The following KCTD8 variants were observed in gnomAD, a reference collection of about 807,000 sequenced individuals.
KCTD8 encodes potassium channel tetramerization domain containing 8.
KCTD8 carries 27 observed loss-of-function variants against 31.5 expected under a neutral mutation model. The observed-to-expected ratio is 0.86, with a 90% CI of 0.63 to 1.18. KCTD8 has a LOEUF of 1.18. Among genes scored for constraint, KCTD8 ranks in the 50% most tolerant of loss-of-function variants. The probability of loss-of-function intolerance (pLI) is 0.00; values close to 1 mark genes in which losing one functional copy is unlikely to be tolerated. For missense variants in KCTD8, 658 were observed against 647.7 expected (o/e 1.02, Z -0.17); for synonymous variants, 290 against 280.0 (o/e 1.04, Z -0.36).
At chr4:44,321,698 T>C (rs1718300080) in intron 1 of KCTD8, among the ~76,000 whole-genome samples, 1 of 152,144 alleles carries the variant, frequency 6.6e-6, no homozygotes, top group African/African-American at 2.4e-5. Flanking sequence ...CTAGAACTCA[T>C]TCCCTTTCTC....
At chr4:44,235,525 TTATATATATATATA>T (rs752341720) in intron 1 of KCTD8, among the ~76,000 whole-genome samples, 2,315 of 54,934 alleles carry the variant, frequency 0.042, 71 homozygotes, top group Non-Finnish European at 0.049. Flanking sequence ...AGACACTGGA[TTATATATATATATA>T]TATATATATA....
intron 1 of KCTD8, among the ~76,000 whole-genome samples, chr4:44,412,277 A>G (rs1259108965): frequency 2.0e-5 from 3 of 152,134 alleles, no homozygotes; most frequent in Admixed American, 6.5e-5. Flanking sequence ...CAAGACTACT[A>G]TAATAATTAG....
intron 1 of KCTD8, among the ~76,000 whole-genome samples, chr4:44,235,088 G>A (rs1229400214): frequency 6.6e-6 from 1 of 151,118 alleles, no homozygotes; most frequent in African/African-American, 2.4e-5. Flanking sequence ...CATTAACCAC[G>A]TTGACCAATG....
chr4:44,282,936 GGCAGCAAATGCTAAC>G (rs1367509996), intron 1 of KCTD8, among the ~76,000 whole-genome samples: 3 of 151,830 alleles, frequency 2.0e-5, no homozygotes, highest in Non-Finnish European at 4.4e-5. Context: ...GCCAAAGTGA[GGCAGCAAATGCTAAC>G]GTAGAAGCTG....
intron 1 of KCTD8, among the ~76,000 whole-genome samples, chr4:44,420,505 G>A (rs1167492388): frequency 2.0e-5 from 3 of 152,156 alleles, no homozygotes; most frequent in Non-Finnish European, 4.4e-5. Context: ...ACTAACAGGT[G>A]AAAAGAATGG....
At chr4:44,394,910 G>A (rs1720459657) in intron 1 of KCTD8, among the ~76,000 whole-genome samples, 1 of 152,064 alleles carries the variant, frequency 6.6e-6, no homozygotes, top group Non-Finnish European at 1.5e-5. Context: ...CTCGACAATA[G>A]AGGCCTTAAC....
rs181311817 is a variant in KCTD8, at chr4:44,325,237, C to G, written c.961+122326G>C. Reference sequence around the variant, plus strand: ...GTACGTGAGGTGTGTATGTAAGATCCTTTAAAATACAGGAGAAATTCAAAG... The same window carrying G: ...GTACGTGAGGTGTGTATGTAAGATCGTTTAAAATACAGGAGAAATTCAAAG... On this transcript the variant is annotated intron_variant, in intron 1 of 1. Transcript: ENST00000360029. Among the ~76,000 whole-genome samples the G allele has an allele frequency of 5.4e-4, 82 of 151,930 alleles. 2 individuals are homozygous for G. The highest frequency in any genetic ancestry group is 1.9e-3 in the African/African-American group (80 of 41,362).
intron 1 of KCTD8, among the ~76,000 whole-genome samples, chr4:44,213,356 T>C (rs1252844712): frequency 6.6e-6 from 1 of 152,216 alleles, no homozygotes; most frequent in Non-Finnish European, 1.5e-5. Flanking sequence ...AAATTTACTA[T>C]GAACATGTAA....
chr4:44,216,814 T>C (rs904308761), intron 1 of KCTD8, among the ~76,000 whole-genome samples: 2 of 152,202 alleles, frequency 1.3e-5, no homozygotes, highest in South Asian at 4.1e-4. Context: ...AAATTTTGTA[T>C]ATGTATGCAT....
At chr4:44,288,606 T>C (rs1432370468) in intron 1 of KCTD8, among the ~76,000 whole-genome samples, 1 of 152,130 alleles carries the variant, frequency 6.6e-6, no homozygotes, top group African/African-American at 2.4e-5. Flanking sequence ...TGTATGACAG[T>C]TATTTTCTTA....
chr4:44,280,038 A>C (rs1196468983), intron 1 of KCTD8, among the ~76,000 whole-genome samples: 1 of 152,122 alleles, frequency 6.6e-6, no homozygotes, highest in African/African-American at 2.4e-5. Context: ...AAGGAATGAC[A>C]GAGATCTTGG....
At chr4:44,406,641 C>A (rs148333676) in intron 1 of KCTD8, among the ~76,000 whole-genome samples, 1 of 152,064 alleles carries the variant, frequency 6.6e-6, no homozygotes, top group African/African-American at 2.4e-5. Flanking sequence ...ACACACCTTG[C>A]CTTAACTCAA....
At position 44,380,700 on chromosome 4, in the gene KCTD8, T is replaced by C. The variant is rs191360664; in HGVS notation, c.961+66863A>G. Among the ~76,000 whole-genome samples, 83 of 152,092 alleles carry C rather than the reference T, an allele frequency of 5.5e-4. No homozygotes were observed. The Middle Eastern group carries it at 0.01, about 19-fold the overall frequency. On this transcript the variant is annotated intron_variant, in intron 1 of 1. Transcript: ENST00000360029. Reference sequence around the variant, plus strand: ...TCATAAATACAGGTTCACTTTGCAGTGAATAAAGAAAATATTTAGGGTGTA... The same window carrying C: ...TCATAAATACAGGTTCACTTTGCAGCGAATAAAGAAAATATTTAGGGTGTA...
At chr4:44,285,659 T>C (rs1717043307) in intron 1 of KCTD8, among the ~76,000 whole-genome samples, 1 of 152,122 alleles carries the variant, frequency 6.6e-6, no homozygotes, top group Non-Finnish European at 1.5e-5. Flanking sequence ...TGCACTTAGT[T>C]ACTCAAGAGC....
At chr4:44,256,667 G>A (rs995211867) in intron 1 of KCTD8, among the ~76,000 whole-genome samples, 4 of 151,868 alleles carry the variant, frequency 2.6e-5, no homozygotes, top group African/African-American at 9.7e-5. Flanking sequence ...GTAATTTCAA[G>A]GGCCTTTGTA....
intron 1 of KCTD8, among the ~76,000 whole-genome samples, chr4:44,420,090 C>T (rs1320059465): frequency 6.7e-6 from 1 of 149,994 alleles, no homozygotes; most frequent in African/African-American, 2.4e-5. Flanking sequence ...AATCAACAAA[C>T]TAAAGAAAAA....
At chr4:44,259,685 C>T (rs1221885850) in intron 1 of KCTD8, among the ~76,000 whole-genome samples, 1 of 151,898 alleles carries the variant, frequency 6.6e-6, no homozygotes, top group Non-Finnish European at 1.5e-5. Flanking sequence ...ATTTCTGGTT[C>T]TTTCTCTGTA....
At chr4:44,188,921 AT>A (rs1449217921) in intron 1 of KCTD8, among the ~76,000 whole-genome samples, 1 of 152,156 alleles carries the variant, frequency 6.6e-6, no homozygotes, top group African/African-American at 2.4e-5. Context: ...GAGAGAATAA[AT>A]TTCTGGTTTT....
chr4:44,192,600 C>T (rs1027477373), intron 1 of KCTD8, among the ~76,000 whole-genome samples: 1 of 152,028 alleles, frequency 6.6e-6, no homozygotes, highest in Admixed American at 6.6e-5. Flanking sequence ...TACCATCCTT[C>T]AGCAACATGT....
Sources: allele counts gnomAD v4.1 joint callset (sites outside exome capture counted in the v4.1 genomes callset), GRCh38; gene constraint gnomAD v4.1.1; transcripts MANE v1.5; gene names NCBI Gene and HGNC (gene_info 2026-07-23, HGNC 2026-07-21).